The following RALGAPA1 variants were observed in gnomAD, a reference collection of about 807,000 sequenced individuals.
RALGAPA1 encodes the protein ral GTPase-activating protein subunit alpha-1.
In RALGAPA1, 52 loss-of-function variants were observed where a neutral mutation model predicts 269.6. The ratio of observed to expected loss-of-function variants is 0.19; its 90% CI spans 0.15 to 0.24. The LOEUF is 0.24. Among genes scored for constraint, RALGAPA1 ranks in the 10% least tolerant of loss-of-function variants. The pLI is 1.00. For missense variants in RALGAPA1, 1,917 were observed against 3,013.9 expected (o/e 0.64, Z 8.52); for synonymous variants, 817 against 1,008.3 (o/e 0.81, Z 3.60).
chr14:35,746,825 A>C (rs756606278), intron 10 of RALGAPA1, among the ~76,000 whole-genome samples: 13 of 152,192 alleles, frequency 8.5e-5, no homozygotes, highest in Middle Eastern at 3.4e-3. Context: ...GATTAGGAAG[A>C]GGGTAAAAAA....
chr14:35,585,035 T>C (rs982776777), intron 37 of RALGAPA1, among the ~76,000 whole-genome samples: 3 of 152,156 alleles, frequency 2.0e-5, no homozygotes, highest in Non-Finnish European at 4.4e-5. Context: ...ACTATATTAA[T>C]TTCAGACAGA....
intron 41 of RALGAPA1, chr14:35,542,045 C>CA: frequency 8.1e-7 from 1 of 1,230,350 alleles, no homozygotes; most frequent in Non-Finnish European, 1.1e-6. Flanking sequence ...AAAACAAGTT[C>CA]AAATAGGAAA....
intron 16 of RALGAPA1, among the ~76,000 whole-genome samples, chr14:35,702,731 AT>A (rs1283721985): frequency 2.7e-5 from 4 of 147,382 alleles, no homozygotes; most frequent in Non-Finnish European, 6.0e-5. Context: ...AAAAAAATAT[AT>A]ATATATATAC....
rs2063798831 is a variant in RALGAPA1, at chr14:35,664,774, A to G, written c.5203-7T>C. 1.2e-6 allele frequency: 2 copies of G among 1,600,562 alleles called. No individual in the cohort carries two copies. Among genetic ancestry groups the G allele is most frequent in the Non-Finnish European group, 8.5e-7 (1 of 1,176,920 alleles). On this transcript the variant is annotated splice_polypyrimidine_tract_variant and splice_region_variant and intron_variant, in intron 26 of 41. Coordinates refer to ENST00000680220, the MANE Select transcript of RALGAPA1 (RefSeq NM_001346249.2). Reference sequence around the variant, plus strand: ...GTGCTTCTACTCTTGGTGCCTATGTATCACATTTTTAAAAAGTTTAAAAAT... The same window carrying G: ...GTGCTTCTACTCTTGGTGCCTATGTGTCACATTTTTAAAAAGTTTAAAAAT...
At chr14:35,576,169 A>C (rs974425425) in intron 37 of RALGAPA1, among the ~76,000 whole-genome samples, 1 of 152,212 alleles carries the variant, frequency 6.6e-6, no homozygotes, top group Non-Finnish European at 1.5e-5. Flanking sequence ...AAACTTGTGT[A>C]TGGAATAGAA....
intron 33 of RALGAPA1, among the ~76,000 whole-genome samples, chr14:35,634,293 T>C (rs1229215738): frequency 1.3e-5 from 2 of 152,206 alleles, no homozygotes; most frequent in Non-Finnish European, 2.9e-5. Flanking sequence ...AATGCAAATA[T>C]TCCAAAAGGT....
intron 27 of RALGAPA1, among the ~76,000 whole-genome samples, chr14:35,663,660 G>A (rs998875461): frequency 6.6e-6 from 1 of 150,708 alleles, no homozygotes; most frequent in Non-Finnish European, 1.5e-5. Flanking sequence ...CGCAATCTCG[G>A]CTCACTGCAA....
At chr14:35,720,476 A>C (rs1179081142) in intron 16 of RALGAPA1, among the ~76,000 whole-genome samples, 2 of 152,226 alleles carry the variant, frequency 1.3e-5, no homozygotes, top group African/African-American at 4.8e-5. Flanking sequence ...TAAAATTAAT[A>C]GTGTTTTTCA....
rs1213351992 is a variant in RALGAPA1, at chr14:35,627,212, G to A, written c.6735C>T (p.His2245=). The change falls in exon 34 of 42, where the codon CAC becomes CAT. Residue 2245 remains histidine (H), a synonymous_variant. Transcript: ENST00000680220. ...CAGCTTTCATGTTTAAGTCATTAAA[G>A]TGCTTCTCAACAAATTCTTTTTCTT... ...HTEEKEFVEK[H]FNDLNMKAVE... The A allele has an allele frequency of 3.1e-6, 5 of 1,601,074 alleles. No individual in the cohort carries two copies. The highest frequency in any genetic ancestry group is 3.4e-6 in the Non-Finnish European group (4 of 1,176,900).
At chr14:35,621,915 G>A (rs916661398) in intron 35 of RALGAPA1, among the ~76,000 whole-genome samples, 3 of 152,184 alleles carry the variant, frequency 2.0e-5, no homozygotes, top group Non-Finnish European at 4.4e-5. Flanking sequence ...CACTGTTGGT[G>A]GGAGTGTAAA....
At position 35,572,442 on chromosome 14, in the gene RALGAPA1, A is replaced by C. The variant is rs2057277635; in HGVS notation, c.7368+118T>G. On this transcript the variant is annotated intron_variant, in intron 38 of 41. Transcript: ENST00000680220. Reference sequence around the variant, plus strand: ...AGCTACCAGGGTCTATGTAACATTTACCCTCAGTTTCACAACTTGATGCCT... The same window carrying C: ...AGCTACCAGGGTCTATGTAACATTTCCCCTCAGTTTCACAACTTGATGCCT... The C allele has an allele frequency of 5.6e-6, 4 of 716,332 alleles. No homozygotes were observed. In the East Asian group the frequency reaches 1.1e-4, roughly 20 times the overall value. The allele number at this position is 716,332 out of a possible 1,614,324, so 44.4% of individuals were successfully genotyped here. A position where few individuals can be genotyped will look rare whatever the true frequency, so the allele number is the denominator to read the frequency against.
At chr14:35,788,241 G>C (rs2075932153) in intron 1 of RALGAPA1, among the ~76,000 whole-genome samples, 1 of 151,964 alleles carries the variant, frequency 6.6e-6, no homozygotes, top group Non-Finnish European at 1.5e-5. Context: ...AAAGTGCTAG[G>C]ATTACAAGCT....
At chr14:35,732,118 T>C (rs2070534744) in intron 12 of RALGAPA1, among the ~76,000 whole-genome samples, 2 of 152,164 alleles carry the variant, frequency 1.3e-5, no homozygotes, top group African/African-American at 4.8e-5. Flanking sequence ...GCCAAGATAT[T>C]TTGTATCCAG....
chr14:35,549,637 C>A (rs969085761), intron 39 of RALGAPA1, among the ~76,000 whole-genome samples: 1 of 152,108 alleles, frequency 6.6e-6, no homozygotes, highest in African/African-American at 2.4e-5. Flanking sequence ...TCAAAAGCCA[C>A]GCAAGAAACA....
In RALGAPA1 at chr14:35,735,035, T is replaced by TA. The variant is rs143414634; in HGVS notation, c.1587+3477dup. 1.3e-3 allele frequency among the ~76,000 whole-genome samples: 177 copies of TA among 135,330 alleles called. 2 individuals carry two copies. Among genetic ancestry groups the TA allele is most frequent in the Middle Eastern group, 3.7e-3 (1 of 270 alleles). 88.8% of individuals were successfully genotyped at this position (135,330 alleles called of 152,430 possible). On this transcript the variant is annotated intron_variant, in intron 12 of 41. Coordinates refer to ENST00000680220, the MANE Select transcript of RALGAPA1 (RefSeq NM_001346249.2). ...ACTCCTGCAAGAATGGCCATAATAA[T>TA]AAAAAAAAAAAAAAATCAAAAAACA...
At chr14:35,769,111 A>G (rs188735366) in intron 4 of RALGAPA1, among the ~76,000 whole-genome samples, 3 of 147,836 alleles carry the variant, frequency 2.0e-5, no homozygotes, top group Admixed American at 2.0e-4. Flanking sequence ...ACAAGAAAAT[A>G]GAAAGCAGAA....
At chr14:35,702,800 C>T (rs1258749193) in intron 16 of RALGAPA1, among the ~76,000 whole-genome samples, 3 of 148,070 alleles carry the variant, frequency 2.0e-5, no homozygotes, top group Non-Finnish European at 4.5e-5. Context: ...AGTGCAGTGG[C>T]GCGATCTCGG....
chr14:35,808,691 G>A (rs2077550010), intron 1 of RALGAPA1, 39 bp downstream of exon 1: 1 of 1,582,472 alleles, frequency 6.3e-7, no homozygotes, highest in Non-Finnish European at 8.6e-7. Flanking sequence ...GGAAGGCCGG[G>A]CAACCCAGGC....
At chr14:35,737,672 T>A (rs962145445) in intron 12 of RALGAPA1, among the ~76,000 whole-genome samples, 1 of 125,088 alleles carries the variant, frequency 8.0e-6, no homozygotes, top group Non-Finnish European at 1.6e-5. Flanking sequence ...GGCAGGAGAA[T>A]CATTTGAACC....
Sources: gnomAD v4.1 joint callset for allele counts (sites outside exome capture counted in the v4.1 genomes callset) on GRCh38, gnomAD v4.1.1 for gene constraint, MANE v1.5 for transcripts, NCBI Gene and HGNC (gene_info 2026-07-23, HGNC 2026-07-21) for gene names.